PDE4D: variants seen among roughly 807,000 people sequenced by gnomAD.
PDE4D encodes 3',5'-cyclic-AMP phosphodiesterase 4D.
Under a neutral mutation model 87.4 loss-of-function variants are expected in PDE4D, and 24 were observed. That is an observed-to-expected ratio of 0.27 (90% CI 0.20 to 0.39). The LOEUF is 0.39. Ranked by LOEUF, PDE4D falls within the 10% of genes least tolerant of loss-of-function variation. The pLI is 1.00. For missense variants in PDE4D, 714 were observed against 1,041.0 expected (o/e 0.69, Z 4.32); for synonymous variants, 384 against 383.2 (o/e 1.00, Z -0.02).
At chr5:59,410,616 G>A (rs1265459672) in intron 1 of PDE4D, among the ~76,000 whole-genome samples, 1 of 151,918 alleles carries the variant, frequency 6.6e-6, no homozygotes, top group East Asian at 1.9e-4. Context: ...TCTGTACCTG[G>A]CTTATTTAAC....
chr5:59,681,162 T>C (rs923195885), intron 1 of PDE4D, among the ~76,000 whole-genome samples: 3 of 152,034 alleles, frequency 2.0e-5, no homozygotes, highest in Non-Finnish European at 4.4e-5. Flanking sequence ...GTCTCATATC[T>C]AAAACCAAAA....
intron 1 of PDE4D, among the ~76,000 whole-genome samples, chr5:59,361,409 T>A (rs957113710): frequency 2.0e-5 from 3 of 152,190 alleles, no homozygotes; most frequent in African/African-American, 7.2e-5. Flanking sequence ...TGTCACTGAT[T>A]GTCTTGTTCA....
intron 3 of PDE4D, among the ~76,000 whole-genome samples, chr5:59,943,629 G>A (rs573675761): frequency 9.2e-4 from 140 of 152,180 alleles, no homozygotes; most frequent in African/African-American, 3.2e-3. Context: ...GCTTAGCCGC[G>A]CCTTTCCTTG....
In PDE4D at chr5:59,085,326, CATT is replaced by C. The variant is rs1401846694; in HGVS notation, c.809-46358_809-46356del. The stretch of plus-strand genomic sequence containing the variant: ...TAAAATATTACCTTCAGTATAATCT[CATT>C]GTTGTTAGTAAAACTCCTTCTCTCT... On this transcript the variant is annotated intron_variant, in intron 5 of 14. Transcript: ENST00000340635. Among the ~76,000 whole-genome samples, 4 of 152,018 alleles carry C rather than the reference CATT, an allele frequency of 2.6e-5. No individual in the cohort carries two copies. The East Asian group carries it at 5.8e-4, about 22-fold the overall frequency.
At chr5:60,002,993 T>TA (rs919989889) in intron 2 of PDE4D, among the ~76,000 whole-genome samples, 13 of 151,430 alleles carry the variant, frequency 8.6e-5, no homozygotes, top group East Asian at 3.9e-4. Flanking sequence ...TTTCTATATT[T>TA]AAAAAAAAAC....
chr5:59,164,050 A>T (rs1581143961), intron 5 of PDE4D, among the ~76,000 whole-genome samples: 1 of 152,256 alleles, frequency 6.6e-6, no homozygotes, highest in Non-Finnish European at 1.5e-5. Context: ...TTTGTGGCAG[A>T]TGGAGAACAA....
chr5:59,090,869 T>C (rs1768600946), intron 5 of PDE4D, among the ~76,000 whole-genome samples: 1 of 141,810 alleles, frequency 7.1e-6, no homozygotes, highest in Non-Finnish European at 1.5e-5. Flanking sequence ...TGCTGCAAAA[T>C]ATATTCCAGT....
intron 5 of PDE4D, among the ~76,000 whole-genome samples, chr5:59,092,436 T>A (rs550082183): frequency 6.6e-6 from 1 of 152,188 alleles, no homozygotes; most frequent in African/African-American, 2.4e-5. Flanking sequence ...TCTGAAGAAG[T>A]TTCTCTTACT....
intron 5 of PDE4D, among the ~76,000 whole-genome samples, chr5:59,089,030 A>G (rs181393700): frequency 3.5e-4 from 54 of 152,326 alleles, no homozygotes; most frequent in Admixed American, 8.5e-4. Flanking sequence ...TAGAAGTTCA[A>G]TACATATTTG....
At chr5:59,630,844 A>G (rs140385802) in intron 1 of PDE4D, among the ~76,000 whole-genome samples, 13 of 152,308 alleles carry the variant, frequency 8.5e-5, no homozygotes, top group African/African-American at 3.1e-4. Context: ...ACCAAGAGGC[A>G]CTTTCATTGG....
intron 1 of PDE4D, among the ~76,000 whole-genome samples, chr5:59,229,602 A>G (rs755053492): frequency 1.3e-5 from 2 of 152,170 alleles, no homozygotes; most frequent in Non-Finnish European, 2.9e-5. Flanking sequence ...TGAATTTTAC[A>G]AAACCTAAAA....
chr5:59,212,549 T>A (rs1371046475), intron 2 of PDE4D, among the ~76,000 whole-genome samples: 1 of 152,078 alleles, frequency 6.6e-6, no homozygotes, highest in African/African-American at 2.4e-5. Flanking sequence ...CCTTGCAAGT[T>A]TGATTTTGAA....
chr5:59,673,314 G>A (rs1747522795), intron 1 of PDE4D, among the ~76,000 whole-genome samples: 1 of 152,100 alleles, frequency 6.6e-6, no homozygotes, highest in Non-Finnish European at 1.5e-5. Flanking sequence ...CATTGACTAG[G>A]ACCCAGTTTT....
chr5:59,846,428 T>C (rs1743859711), intron 1 of PDE4D, among the ~76,000 whole-genome samples: 1 of 152,068 alleles, frequency 6.6e-6, no homozygotes, highest in Non-Finnish European at 1.5e-5. Context: ...TGTGTTAATG[T>C]TCCTATTCCC....
intron 1 of PDE4D, among the ~76,000 whole-genome samples, chr5:59,758,383 C>A (rs1398115886): frequency 6.6e-6 from 1 of 152,078 alleles, no homozygotes; most frequent in African/African-American, 2.4e-5. Flanking sequence ...TATTATGAAC[C>A]TAAGTGTTTT....
intron 5 of PDE4D, among the ~76,000 whole-genome samples, chr5:59,048,636 A>T (rs1761081802): frequency 6.6e-6 from 1 of 152,206 alleles, no homozygotes; most frequent in Non-Finnish European, 1.5e-5. Context: ...GAATTCTGTG[A>T]GTTTAGCTCA....
intron 1 of PDE4D, among the ~76,000 whole-genome samples, chr5:59,405,957 T>A (rs6879510): frequency 0.17 from 26,257 of 152,168 alleles, 3,055 homozygotes; most frequent in African/African-American, 0.32. Flanking sequence ...GATTTCTGCA[T>A]AAATGTTCAT....
At chr5:59,410,057 AT>A (rs1333453698) in intron 1 of PDE4D, among the ~76,000 whole-genome samples, 8 of 152,314 alleles carry the variant, frequency 5.3e-5, no homozygotes, top group African/African-American at 1.7e-4. Flanking sequence ...AGCATTTATC[AT>A]TTCTTTGTGT....
At chr5:59,161,965 T>C (rs185213183) in intron 5 of PDE4D, among the ~76,000 whole-genome samples, 1 of 152,214 alleles carries the variant, frequency 6.6e-6, no homozygotes, top group African/African-American at 2.4e-5. Flanking sequence ...TAAGGGGATC[T>C]GTCACATGGA....
Sources: allele counts gnomAD v4.1 joint callset (sites outside exome capture counted in the v4.1 genomes callset), GRCh38; gene constraint gnomAD v4.1.1; transcripts MANE v1.5; gene names NCBI Gene and HGNC (gene_info 2026-07-23, HGNC 2026-07-21).